Variants in NAALADL2 observed in about 807,000 individuals in gnomAD.
NAALADL2 encodes N-acetylated alpha-linked acidic dipeptidase like 2.
A neutral mutation model predicts 87.2 loss-of-function variants in NAALADL2; 76 were observed. The observed-to-expected ratio is 0.87, with a 90% CI of 0.72 to 1.05. The LOEUF is 1.05. NAALADL2 is among the 50% of genes least tolerant of loss of function. The pLI is 0.00. For missense variants in NAALADL2, 1,089 were observed against 945.8 expected (o/e 1.15, Z -1.99); for synonymous variants, 354 against 331.0 (o/e 1.07, Z -0.75).
chr3:175,525,022 G>T (rs1560702622), intron 9 of NAALADL2, among the ~76,000 whole-genome samples: 1 of 151,772 alleles, frequency 6.6e-6, no homozygotes, highest in African/African-American at 2.4e-5. Context: ...GACAGAGAAG[G>T]GTGCATGTAA....
chr3:175,319,546 G>A (rs370756653), intron 4 of NAALADL2, among the ~76,000 whole-genome samples: 8 of 152,180 alleles, frequency 5.3e-5, no homozygotes, highest in South Asian at 2.1e-4. Context: ...TGGGCAGGGC[G>A]CGGTGGCTCA....
chr3:174,446,683 C>T (rs1287616721), intron 1 of NAALADL2, among the ~76,000 whole-genome samples: 1 of 152,114 alleles, frequency 6.6e-6, no homozygotes, highest in Non-Finnish European at 1.5e-5. Flanking sequence ...ATCCTAGTCT[C>T]CACCTGGGGG....
intron 2 of NAALADL2, among the ~76,000 whole-genome samples, chr3:174,582,253 A>G (rs1716245170): frequency 6.6e-6 from 1 of 152,172 alleles, no homozygotes; most frequent in Non-Finnish European, 1.5e-5. Context: ...CTATAGAATA[A>G]ATGGGGTTGA....
At chr3:175,502,228 G>GGGGGGTGTGTGT (rs373702257) in intron 9 of NAALADL2, among the ~76,000 whole-genome samples, 2 of 147,292 alleles carry the variant, frequency 1.4e-5, no homozygotes, top group African/African-American at 5.0e-5. Flanking sequence ...CATTATCCTG[G>GGGGGGTGTGTGT]GTGTGTGTGT....
intron 10 of NAALADL2, among the ~76,000 whole-genome samples, chr3:175,605,801 G>T (rs1019165922): frequency 6.6e-6 from 1 of 151,890 alleles, no homozygotes; most frequent in East Asian, 1.9e-4. Flanking sequence ...ATAGTACATT[G>T]CTCCCTATAT....
At chr3:175,468,288 A>T (rs184611691) in intron 8 of NAALADL2, among the ~76,000 whole-genome samples, 6 of 152,230 alleles carry the variant, frequency 3.9e-5, no homozygotes, top group Non-Finnish European at 5.9e-5. Context: ...AGTGGTGTGA[A>T]TGTTTGGGCC....
At chr3:175,305,105 T>G (rs1332830519) in intron 4 of NAALADL2, among the ~76,000 whole-genome samples, 2 of 152,192 alleles carry the variant, frequency 1.3e-5, no homozygotes, top group Non-Finnish European at 2.9e-5. Context: ...ATTATTTTAT[T>G]ATTAATTTCT....
chr3:175,674,754 A>G (rs1323131855), intron 11 of NAALADL2, among the ~76,000 whole-genome samples: 1 of 151,888 alleles, frequency 6.6e-6, no homozygotes, highest in Non-Finnish European at 1.5e-5. Context: ...AAAATAAAGT[A>G]AAAAAAAGAC....
At chr3:175,542,210 T>C (rs969863854) in intron 9 of NAALADL2, among the ~76,000 whole-genome samples, 1 of 152,224 alleles carries the variant, frequency 6.6e-6, no homozygotes, top group Non-Finnish European at 1.5e-5. Flanking sequence ...AAAGCACTTT[T>C]ATTATTAATA....
chr3:175,668,224 A>G (rs915344370), intron 11 of NAALADL2, among the ~76,000 whole-genome samples: 5 of 152,180 alleles, frequency 3.3e-5, no homozygotes, highest in Non-Finnish European at 7.3e-5. Flanking sequence ...GAACTTTTGT[A>G]GCTGCTAGAG....
intron 3 of NAALADL2, among the ~76,000 whole-genome samples, chr3:174,840,867 T>C (rs911144705): frequency 2.0e-5 from 3 of 152,124 alleles, no homozygotes; most frequent in African/African-American, 7.2e-5. Context: ...CTTTAATCCT[T>C]CATCTTTTCT....
At chr3:175,328,293 T>C (rs982719592) in intron 5 of NAALADL2, among the ~76,000 whole-genome samples, 1 of 152,196 alleles carries the variant, frequency 6.6e-6, no homozygotes, top group Admixed American at 6.5e-5. Flanking sequence ...GAGTTCCTTA[T>C]GGTACTTTGA....
At chr3:175,653,836 C>G (rs1001403172) in intron 11 of NAALADL2, among the ~76,000 whole-genome samples, 1 of 152,098 alleles carries the variant, frequency 6.6e-6, no homozygotes, top group Non-Finnish European at 1.5e-5. Flanking sequence ...GTAAGACTCC[C>G]TGATGTAGAG....
intron 2 of NAALADL2, among the ~76,000 whole-genome samples, chr3:175,138,393 A>AT (rs145598055): frequency 8.6e-5 from 13 of 151,206 alleles, no homozygotes; most frequent in Admixed American, 2.0e-4. Flanking sequence ...CACGTTTTGG[A>AT]TTTTTTTTTA....
At chr3:175,231,348 T>C (rs1380528056) in intron 2 of NAALADL2, among the ~76,000 whole-genome samples, 1 of 152,098 alleles carries the variant, frequency 6.6e-6, no homozygotes, top group African/African-American at 2.4e-5. Flanking sequence ...GTATACGTTG[T>C]ATATTATCTA....
intron 10 of NAALADL2, among the ~76,000 whole-genome samples, chr3:175,600,433 G>A (rs899302220): frequency 2.2e-4 from 32 of 148,714 alleles, no homozygotes; most frequent in Non-Finnish European, 2.7e-4. Context: ...GTTAGCTTTC[G>A]TAAGCTTGAA....
intron 11 of NAALADL2, among the ~76,000 whole-genome samples, chr3:175,690,236 T>C (rs1225885052): frequency 6.6e-6 from 1 of 152,006 alleles, no homozygotes; most frequent in Non-Finnish European, 1.5e-5. Context: ...GTGAAACACA[T>C]ACAGAGCAGG....
intron 2 of NAALADL2, among the ~76,000 whole-genome samples, chr3:174,704,061 A>G (rs1331073762): frequency 6.6e-6 from 1 of 152,182 alleles, no homozygotes; most frequent in East Asian, 1.9e-4. Flanking sequence ...ATTTATTCTA[A>G]CGGAATAGGC....
At chr3:175,646,707 C>T (rs1730058174) in intron 11 of NAALADL2, among the ~76,000 whole-genome samples, 1 of 152,002 alleles carries the variant, frequency 6.6e-6, no homozygotes, top group Non-Finnish European at 1.5e-5. Context: ...TGCCATATTG[C>T]CTTCCATCGG....
Sources: gnomAD v4.1 joint callset for allele counts (sites outside exome capture counted in the v4.1 genomes callset) on GRCh38, gnomAD v4.1.1 for gene constraint, MANE v1.5 for transcripts, NCBI Gene and HGNC (gene_info 2026-07-23, HGNC 2026-07-21) for gene names.